Variants in PRUNE2 observed in about 807,000 individuals in gnomAD.
PRUNE2 encodes the protein prune homolog 2 with BCH domain, also known as protein prune homolog 2.
A neutral mutation model predicts 252.0 loss-of-function variants in PRUNE2; 164 were observed. That is an observed-to-expected ratio of 0.65 (90% CI 0.57 to 0.74). The LOEUF is 0.74. PRUNE2 is among the 30% of genes least tolerant of loss of function. The probability of loss-of-function intolerance (pLI) is 0.00; values close to 1 mark genes in which losing one functional copy is unlikely to be tolerated. For synonymous variants in PRUNE2, 1,292 were observed against 1,350.2 expected (o/e 0.96, Z 0.94); for missense variants, 3,495 against 3,711.0 (o/e 0.94, Z 1.51).
At chr9:76,696,322 C>G (rs2045378173) in intron 9 of PRUNE2, among the ~76,000 whole-genome samples, 1 of 152,214 alleles carries the variant, frequency 6.6e-6, no homozygotes, top group South Asian at 2.1e-4. Context: ...AGGTCCACCA[C>G]TCTCCAATTC....
chr9:76,853,914 A>G (rs976451182), intron 2 of PRUNE2, among the ~76,000 whole-genome samples, 190 bp downstream of exon 2: 1 of 152,256 alleles, frequency 6.6e-6, no homozygotes, highest in African/African-American at 2.4e-5. Flanking sequence ...TAGCTAGAAC[A>G]ATGCCTAACA....
rs902618249 is a variant in PRUNE2 at position 76,655,453 on chromosome 9, G to C, written c.8326C>G (p.Leu2776Val). Residue 2776 changes from leucine (L) to valine (V), a missense_variant, in exon 10 of 19, where the codon CTG becomes GTG. By Grantham distance (32) the Leu-to-Val change is conservative. Transcript: ENST00000376718. ...CTCATGTCTGCAGCACTGGGACTCAGCACGCCCTCTTCAAAGGGGATGTCC... is the reference window on the plus strand; with the variant it reads ...CTCATGTCTGCAGCACTGGGACTCACCACGCCCTCTTCAAAGGGGATGTCC... ...GMDIPFEEGV[L>V]SPSAADMRPE... The C allele has an allele frequency of 6.2e-7, 1 of 1,612,724 alleles. No individual in the cohort carries two copies. Among genetic ancestry groups the C allele is most frequent in the African/African-American group, 1.3e-5 (1 of 74,998 alleles).
At chr9:76,695,037 G>GTTA (rs576118736) in intron 9 of PRUNE2, among the ~76,000 whole-genome samples, 4 of 151,910 alleles carry the variant, frequency 2.6e-5, no homozygotes, top group African/African-American at 9.7e-5. Context: ...AATAAAAAAA[G>GTTA]TTATTATTAT....
chr9:76,622,311 T>A (rs955391983), intron 17 of PRUNE2, among the ~76,000 whole-genome samples: 3 of 152,006 alleles, frequency 2.0e-5, no homozygotes, highest in Admixed American at 2.0e-4. Context: ...AAATAGTGGA[T>A]GTGAGAGAAA....
intron 9 of PRUNE2, among the ~76,000 whole-genome samples, chr9:76,656,278 T>G (rs1338684314): frequency 6.6e-6 from 1 of 152,190 alleles, no homozygotes; most frequent in East Asian, 1.9e-4. Flanking sequence ...TTCTCTTGAT[T>G]TATTTTCATC....
chr9:76,821,085 T>G (rs978209810), intron 6 of PRUNE2, among the ~76,000 whole-genome samples: 1 of 152,144 alleles, frequency 6.6e-6, no homozygotes, highest in Non-Finnish European at 1.5e-5. Context: ...CAACGGAAGA[T>G]CTAATGTAAA....
chr9:76,666,904 G>T (rs1023372695), intron 9 of PRUNE2, among the ~76,000 whole-genome samples: 1 of 152,112 alleles, frequency 6.6e-6, no homozygotes, highest in Non-Finnish European at 1.5e-5. Flanking sequence ...AAATTAGCCG[G>T]CTGTGGTGGT....
At chr9:76,789,000 G>A (rs898268752) in intron 6 of PRUNE2, among the ~76,000 whole-genome samples, 36 of 152,204 alleles carry the variant, frequency 2.4e-4, no homozygotes, top group Non-Finnish European at 4.4e-5. Context: ...GGGAAGACTC[G>A]TGGGAGGGAG....
At chr9:76,892,750 G>C (rs779347303) in intron 1 of PRUNE2, among the ~76,000 whole-genome samples, 3 of 152,216 alleles carry the variant, frequency 2.0e-5, no homozygotes, top group Non-Finnish European at 2.9e-5. Flanking sequence ...TTCAATGAAA[G>C]TGGGTGATTT....
At chr9:76,703,204 T>C in intron 9 of PRUNE2, 133 bp downstream of exon 9, 1 of 686,288 alleles carries the variant, frequency 1.5e-6, no homozygotes, top group Non-Finnish European at 2.3e-6. Context: ...TTACTGATGG[T>C]GTGCCTTGCA....
chr9:76,636,973 ATGTGTG>A (rs71354667), intron 14 of PRUNE2, among the ~76,000 whole-genome samples: 5 of 145,406 alleles, frequency 3.4e-5, no homozygotes, highest in African/African-American at 5.3e-5. Flanking sequence ...AACAACAAAA[ATGTGTG>A]TGTGTGTGTG....
chr9:76,700,793 G>A (rs765410004), intron 9 of PRUNE2, among the ~76,000 whole-genome samples: 44 of 152,100 alleles, frequency 2.9e-4, no homozygotes, highest in African/African-American at 9.6e-4. Context: ...CCATAAAGGC[G>A]CCCGAAACAG....
At chr9:76,666,797 C>A (rs542416720) in intron 9 of PRUNE2, among the ~76,000 whole-genome samples, 1 of 152,126 alleles carries the variant, frequency 6.6e-6, no homozygotes, top group African/African-American at 2.4e-5. Flanking sequence ...CTCTCGTCTC[C>A]GCACACAGGG....
At chr9:76,788,589 T>C in intron 6 of PRUNE2, 1 of 702,090 alleles carries the variant, frequency 1.4e-6, no homozygotes, top group Non-Finnish European at 2.7e-6. Context: ...ATTGAATAAA[T>C]GCACAAAGAG....
chr9:76,636,483 C>T lies in PRUNE2; in HGVS notation c.9038G>A (p.Arg3013Gln), dbSNP rs767051012. 15 of 1,526,042 alleles carry T rather than the reference C, an allele frequency of 9.8e-6. No homozygotes were observed. The highest frequency in any genetic ancestry group is 1.7e-4 in the Middle Eastern group (1 of 5,928). The allele number at this position is 1,526,042 out of a possible 1,614,324, so 94.5% of individuals were successfully genotyped here. A position where few individuals can be genotyped will look rare whatever the true frequency, so the allele number is the denominator to read the frequency against. Residue 3013 changes from arginine (R) to glutamine (Q), a missense_variant, in exon 15 of 19, where the codon CGA becomes CAA. By Grantham distance (43) the Arg-to-Gln change is conservative. Transcript: ENST00000376718. ...WFIRTILAVT[R>Q]PFISSKFSSK... ...ACATTAACTGTACCTTATAAAAGGT[C>T]GTGTCACAGCAAGGATTGTTCTGAT...
At position 76,702,083 on chromosome 9, in the gene PRUNE2, G is replaced by A. The variant is rs143787918; in HGVS notation, c.8276+1254C>T. 4.1e-3 allele frequency among the ~76,000 whole-genome samples: 605 copies of A among 149,040 alleles called. 2 individuals carry two copies. Among genetic ancestry groups the A allele is most frequent in the African/African-American group, 0.013 (522 of 40,138 alleles). On this transcript the variant is annotated intron_variant, in intron 9 of 18. Coordinates refer to ENST00000376718, the MANE Select transcript of PRUNE2 (RefSeq NM_015225.3). ...TCTCGCTTTTTTTTTTTTTTGAGAC[G>A]GAGTCTGGCTCTGTCACTCAGGCTG...
In PRUNE2 at chr9:76,704,974, G is replaced by A. The variant is rs958928915; in HGVS notation, c.7300C>T (p.Leu2434Phe). Residue 2434 changes from leucine to phenylalanine, a missense_variant, in exon 8 of 19, where the codon CTT becomes TTT. By Grantham distance (22) the Leu-to-Phe change is conservative (BLOSUM62 0). Transcript: ENST00000376718. ...CRAAEIVLSA[L>F]PDRRSEGNQA... ...TTTCCCTCACTTCTTCGATCAGGAA[G>A]TGCAGAAAGCACTATCTCTGCTGCT... The A allele has an allele frequency of 1.2e-6, 2 of 1,613,592 alleles. No homozygotes were observed. The highest frequency in any genetic ancestry group is 1.7e-6 in the Non-Finnish European group (2 of 1,179,684).
rs761214205 is a variant in PRUNE2 at position 76,708,584 on chromosome 9, T to C, written c.3690A>G (p.Ser1230=). The change falls in exon 8 of 19, where the codon TCA becomes TCG. Residue 1230 remains serine (S), a synonymous_variant. Coordinates refer to ENST00000376718, the MANE Select transcript of PRUNE2 (RefSeq NM_015225.3). ...GTGAGGAGCCTGGTAACATGAATGA[T>C]GACATGTCTTTATCTCTCATGACAG... ...WDSVMRDKDM[S]SFMLPGSSHI... The C allele has an allele frequency of 1.9e-6, 3 of 1,613,928 alleles. No homozygotes were observed. The highest frequency in any genetic ancestry group is 1.1e-5 in the South Asian group (1 of 91,082).
intron 4 of PRUNE2, among the ~76,000 whole-genome samples, chr9:76,844,761 C>T (rs2059579325): frequency 6.6e-6 from 1 of 152,068 alleles, no homozygotes; most frequent in African/African-American, 2.4e-5. Context: ...AGAAGCTCTT[C>T]ATCCTCTCAC....
Sources: gnomAD v4.1 joint callset for allele counts (sites outside exome capture counted in the v4.1 genomes callset) on GRCh38, gnomAD v4.1.1 for gene constraint, MANE v1.5 for transcripts, NCBI Gene and HGNC (gene_info 2026-07-23, HGNC 2026-07-21) for gene names.